RCSD1: variants seen among roughly 807,000 people sequenced by gnomAD.
The protein encoded by RCSD1 is capZ-interacting protein.
In RCSD1, 26 loss-of-function variants were observed where a neutral mutation model predicts 42.5. The observed-to-expected ratio is 0.61, with a 90% CI of 0.45 to 0.85. RCSD1 has a LOEUF of 0.85. RCSD1 is among the 40% of genes least tolerant of loss of function. RCSD1 has a pLI of 0.00. For synonymous variants in RCSD1, 220 were observed against 212.2 expected, an observed-to-expected ratio of 1.04 and a Z score of -0.32; for missense variants, 571 against 528.3, an observed-to-expected ratio of 1.08 and a Z score of -0.79.
chr1:167,653,663 C>A (rs1366133957), intron 1 of RCSD1, among the ~76,000 whole-genome samples: 1 of 152,230 alleles, frequency 6.6e-6, no homozygotes, highest in Admixed American at 6.5e-5. Context: ...GGCTCACACT[C>A]TGTTAGAGAG....
At chr1:167,698,560 A>G (rs1374180883) in intron 6 of RCSD1, among the ~76,000 whole-genome samples, 1 of 151,980 alleles carries the variant, frequency 6.6e-6, no homozygotes, top group Admixed American at 6.6e-5. Context: ...CCTTTCCTCT[A>G]CACCTGTCTG....
At chr1:167,666,951 C>A (rs2102218512) in intron 1 of RCSD1, among the ~76,000 whole-genome samples, 1 of 152,300 alleles carries the variant, frequency 6.6e-6, no homozygotes, top group Admixed American at 6.5e-5. Context: ...CCAGGGAAAC[C>A]AAAAGATTGG....
chr1:167,639,562 G>T (rs1008608763), intron 1 of RCSD1, among the ~76,000 whole-genome samples: 1 of 151,888 alleles, frequency 6.6e-6, no homozygotes, highest in South Asian at 2.1e-4. Context: ...GTGCAATCTC[G>T]GCTCACTGCA....
intron 1 of RCSD1, among the ~76,000 whole-genome samples, chr1:167,634,472 G>A (rs930291481): frequency 3.3e-5 from 5 of 151,890 alleles, no homozygotes; most frequent in African/African-American, 4.8e-5. Context: ...AACCTGTTAT[G>A]ATACAAATGT....
intron 1 of RCSD1, among the ~76,000 whole-genome samples, chr1:167,657,834 C>T (rs984913740): frequency 2.6e-5 from 4 of 151,986 alleles, no homozygotes; most frequent in Non-Finnish European, 4.4e-5. Flanking sequence ...AACTTGCTTC[C>T]TTTTCCTTGA....
intron 1 of RCSD1, among the ~76,000 whole-genome samples, chr1:167,654,879 CTG>C (rs980762406): frequency 9.9e-5 from 15 of 152,214 alleles, no homozygotes; most frequent in Admixed American, 3.9e-4. Context: ...TAGTGACCTA[CTG>C]GATGTGAGAA....
chr1:167,685,540 G>A (rs752078169), intron 3 of RCSD1, 30 bp downstream of exon 3: 1 of 1,578,000 alleles, frequency 6.3e-7, no homozygotes, highest in Non-Finnish European at 8.7e-7. Context: ...CTCAGAGGAT[G>A]CTGTGATGGG....
At position 167,694,166 on chromosome 1, in the gene RCSD1, C is replaced by G; in HGVS notation, c.338C>G (p.Ala113Gly). ...TCACCCAAGAGTCCTGGACTCAAGGCTATGGTGTCGCCATTTCACAGCCCA... is the reference window on the plus strand; with the variant it reads ...TCACCCAAGAGTCCTGGACTCAAGGGTATGGTGTCGCCATTTCACAGCCCA... ...GASPKSPGLK[A>G]MVSPFHSPPS... Residue 113 changes from alanine (A) to glycine (G), a missense_variant, in exon 5 of 7, where the codon GCT becomes GGT. Coordinates refer to ENST00000367854, the MANE Select transcript of RCSD1 (RefSeq NM_052862.4). 1.2e-6 allele frequency: 2 copies of G among 1,614,214 alleles called. No homozygotes were observed. Among genetic ancestry groups the G allele is most frequent in the African/African-American group, 2.7e-5 (2 of 75,060 alleles).
chr1:167,647,137 A>AAAAAAAAAAG (rs1658177385), intron 1 of RCSD1, among the ~76,000 whole-genome samples: 1 of 151,620 alleles, frequency 6.6e-6, no homozygotes, highest in Non-Finnish European at 1.5e-5. Flanking sequence ...TCTCAAAAAA[A>AAAAAAAAAAG]AAGAGAGAGA....
chr1:167,697,096 T>C lies in RCSD1; in HGVS notation c.475-3T>C, dbSNP rs767494022. 51 of 1,606,006 alleles carry C rather than the reference T, an allele frequency of 3.2e-5. No homozygotes were observed. Among genetic ancestry groups the C allele is most frequent in the Non-Finnish European group, 4.3e-5 (51 of 1,176,762 alleles). ...GATAACTTTCCTTAACACTTTCTTC[T>C]AGGTGCGGACGAGGGGCTCAATAAA... On this transcript the variant is annotated splice_polypyrimidine_tract_variant and splice_region_variant and intron_variant, in intron 5 of 6. Coordinates refer to ENST00000367854, the MANE Select transcript of RCSD1 (RefSeq NM_052862.4).
At chr1:167,641,077 C>T (rs555053147) in intron 1 of RCSD1, among the ~76,000 whole-genome samples, 31 of 152,196 alleles carry the variant, frequency 2.0e-4, no homozygotes, top group Non-Finnish European at 3.4e-4. Flanking sequence ...TTAGGTAGCC[C>T]GTATATACAG....
At chr1:167,661,643 T>G (rs1000549686) in intron 1 of RCSD1, among the ~76,000 whole-genome samples, 2 of 152,200 alleles carry the variant, frequency 1.3e-5, no homozygotes, top group African/African-American at 4.8e-5. Context: ...GATGTGGATG[T>G]GCTGAGGTGG....
intron 1 of RCSD1, among the ~76,000 whole-genome samples, chr1:167,656,166 T>C (rs754510354): frequency 6.6e-6 from 1 of 152,178 alleles, no homozygotes; most frequent in Non-Finnish European, 1.5e-5. Flanking sequence ...TTTAAGAAAC[T>C]ACGGCTCAGG....
At position 167,665,399 on chromosome 1, in the gene RCSD1, A is replaced by C. The variant is rs375198617; in HGVS notation, c.7-18501A>C. Among the ~76,000 whole-genome samples the C allele has an allele frequency of 1.9e-3, 285 of 152,320 alleles. 2 individuals carry two copies. The highest frequency in any genetic ancestry group is 6.3e-3 in the African/African-American group (263 of 41,578). On this transcript the variant is annotated intron_variant, in intron 1 of 6. Coordinates refer to ENST00000367854, the MANE Select transcript of RCSD1 (RefSeq NM_052862.4). ...CATTTGAGTTATTTCTAGGTCTCAG[A>C]TATTAATAATAAAATTTCTTTGAAG...
intron 1 of RCSD1, among the ~76,000 whole-genome samples, chr1:167,647,153 G>C (rs1407288431): frequency 1.4e-5 from 2 of 143,110 alleles, no homozygotes; most frequent in Non-Finnish European, 3.1e-5. Context: ...AGAGAGAAGG[G>C]GGTAGAGGCA....
chr1:167,699,816 T>C (rs1440476712), intron 6 of RCSD1, among the ~76,000 whole-genome samples: 1 of 152,162 alleles, frequency 6.6e-6, no homozygotes, highest in African/African-American at 2.4e-5. Flanking sequence ...TGCTGTCCCC[T>C]CTGTGTGGGA....
At chr1:167,698,069 G>A (rs1043252132) in intron 6 of RCSD1, among the ~76,000 whole-genome samples, 7 of 152,190 alleles carry the variant, frequency 4.6e-5, no homozygotes, top group Non-Finnish European at 7.3e-5. Context: ...CCAACTTCTC[G>A]CTGACTTGGA....
chr1:167,699,736 ATCCAGCCATGCTGAGGTCTTTTTGTTCT>A (rs1468490781), intron 6 of RCSD1, among the ~76,000 whole-genome samples: 1 of 152,182 alleles, frequency 6.6e-6, no homozygotes, highest in Non-Finnish European at 1.5e-5. Flanking sequence ...CCTCACTGTG[ATCCAGCCATGCTGAGGTCTTTTTGTTCT>A]TCCAATACAG....
chr1:167,670,863 T>G (rs1658790467), intron 1 of RCSD1, among the ~76,000 whole-genome samples: 1 of 152,118 alleles, frequency 6.6e-6, no homozygotes, highest in African/African-American at 2.4e-5. Context: ...AAATTGCTTT[T>G]GAGTCCTATC....
Sources: allele counts gnomAD v4.1 joint callset (sites outside exome capture counted in the v4.1 genomes callset), GRCh38; gene constraint gnomAD v4.1.1; transcripts MANE v1.5; gene names NCBI Gene and HGNC (gene_info 2026-07-23, HGNC 2026-07-21).